Variants in ASCC2 observed in about 807,000 individuals in gnomAD.
The protein encoded by ASCC2 is activating signal cointegrator 1 complex subunit 2, also known as ASC-1 complex subunit P100.
In ASCC2, 42 loss-of-function variants were observed where a neutral mutation model predicts 93.5. The observed-to-expected ratio is 0.45, with a 90% CI of 0.35 to 0.58. The LOEUF (loss-of-function observed/expected upper bound fraction) is 0.58, where lower values mean the gene tolerates loss of function less well. ASCC2 is among the 20% of genes least tolerant of loss of function. ASCC2 has a pLI of 0.00. For missense variants in ASCC2, 859 were observed against 977.6 expected, an observed-to-expected ratio of 0.88 and a Z score of 1.62; for synonymous variants, 364 against 384.2, an observed-to-expected ratio of 0.95 and a Z score of 0.62.
intron 1 of ASCC2, chr22:29,832,588 T>A: frequency 6.8e-6 from 1 of 146,056 alleles, no homozygotes; most frequent in East Asian, 1.9e-4. Context: ...TTCCACCCAC[T>A]TTTTTTTTTT....
chr22:29,824,563 T>C (rs887498572), intron 4 of ASCC2, among the ~76,000 whole-genome samples: 8 of 152,030 alleles, frequency 5.3e-5, no homozygotes, highest in Middle Eastern at 6.8e-3. Flanking sequence ...TGCAATGAGC[T>C]ATAATCACGC....
At chr22:29,791,431 G>A (rs943394726) in intron 18 of ASCC2, among the ~76,000 whole-genome samples, 5 of 152,164 alleles carry the variant, frequency 3.3e-5, no homozygotes, top group Admixed American at 6.5e-5. Flanking sequence ...TGTAATCCCA[G>A]CACTTTGGGA....
chr22:29,816,115 G>A (rs778165423), intron 5 of ASCC2, 42 bp from the exon 6 acceptor site: 1 of 1,493,968 alleles, frequency 6.7e-7, no homozygotes, highest in East Asian at 2.4e-5. Flanking sequence ...AAAAGGTGGG[G>A]GCTCGGGGCA....
intron 1 of ASCC2, 79 bp from the exon 2 acceptor site, chr22:29,832,421 G>T: frequency 1.8e-6 from 2 of 1,126,432 alleles, no homozygotes; most frequent in Non-Finnish European, 2.6e-6. Flanking sequence ...GCTGATCCCA[G>T]AGTCAGAAGA....
At chr22:29,812,349 C>T (rs1190018043) in intron 8 of ASCC2, among the ~76,000 whole-genome samples, 4 of 152,212 alleles carry the variant, frequency 2.6e-5, no homozygotes, top group Non-Finnish European at 5.9e-5. Context: ...CCCTTTCACC[C>T]TGGCCTGGAA....
chr22:29,818,856 C>G (rs565446615), intron 5 of ASCC2, among the ~76,000 whole-genome samples: 2 of 152,278 alleles, frequency 1.3e-5, no homozygotes, highest in South Asian at 2.1e-4. Context: ...GCAACCAACA[C>G]CTGTTCCAGC....
At position 29,806,916 on chromosome 22, in the gene ASCC2, A is replaced by G; in HGVS notation, c.909-12T>C. 1 of 1,604,032 alleles carries G rather than the reference A, an allele frequency of 6.2e-7. No homozygotes were observed. The highest frequency in any genetic ancestry group is 8.5e-7 in the Non-Finnish European group (1 of 1,171,432). ...GGTCACCAAGAAGCCTAGGCCAGAG[A>G]GAAAAAAGACACAGGTTTAGGAGAC... On this transcript the variant is annotated splice_polypyrimidine_tract_variant and intron_variant, in intron 9 of 19. Coordinates refer to ENST00000307790, the MANE Select transcript of ASCC2 (RefSeq NM_032204.5).
Position 29,818,403 on chromosome 22 carries a change from TACACACACACACACACACACACACACAC to T in ASCC2, c.542-2358_542-2331del, listed in dbSNP as rs35685093. Among the ~76,000 whole-genome samples the T allele has an allele frequency of 6.3e-3, 682 of 108,114 alleles. 3 individuals carry two copies. The highest frequency in any genetic ancestry group is 0.017 in the African/African-American group (469 of 27,052). The allele number at this position is 108,114 out of a possible 152,430, so 70.9% of individuals were successfully genotyped here. On this transcript the variant is annotated intron_variant, in intron 5 of 19. Coordinates refer to ENST00000307790, the MANE Select transcript of ASCC2 (RefSeq NM_032204.5). The stretch of plus-strand genomic sequence containing the variant: ...TCCCTTCTCTGCATCACTCCCTGCC[TACACACACACACACACACACACACACAC>T]ACACACACACACACACACACACACA...
chr22:29,804,493 C>T, intron 13 of ASCC2, 145 bp downstream of exon 13: 2 of 896,188 alleles, frequency 2.2e-6, no homozygotes, highest in Non-Finnish European at 1.7e-6. Context: ...ACAGAGCTGA[C>T]CAGTTGCTTG....
At chr22:29,814,432 A>T (rs1357158952) in intron 7 of ASCC2, among the ~76,000 whole-genome samples, 1 of 152,244 alleles carries the variant, frequency 6.6e-6, no homozygotes, top group Non-Finnish European at 1.5e-5. Flanking sequence ...AGTTCTTTCC[A>T]CTACTCTATA....
rs1446383634 is a variant in ASCC2, at chr22:29,814,670, T to C, written c.707A>G (p.Asp236Gly). 3 of 1,600,156 alleles carry C rather than the reference T, an allele frequency of 1.9e-6. No homozygotes were observed. The highest frequency in any genetic ancestry group is 1.7e-6 in the Non-Finnish European group (2 of 1,174,906). ...LEERGRLTPSDMPLLELKDIV... is the reference protein window; with the variant it reads ...LEERGRLTPSGMPLLELKDIV... ...GGGCAACCTTACCAGGAGAGGCATG[T>C]CACTGGGGGTCAATCGGCCCCTCTC... Residue 236 changes from aspartate to glycine, a missense_variant, in exon 7 of 20, where the codon GAC (aspartate) becomes GGC (glycine). Physicochemically the swap from Asp to Gly is moderately conservative, Grantham distance 94. Coordinates refer to ENST00000307790, the MANE Select transcript of ASCC2 (RefSeq NM_032204.5).
At chr22:29,804,876 A>T (rs2059501088) in intron 12 of ASCC2, 46 bp from the exon 13 acceptor site, 1 of 1,586,668 alleles carries the variant, frequency 6.3e-7, no homozygotes, top group Admixed American at 1.7e-5. Flanking sequence ...CTAGCTCTGA[A>T]GCAGCATAAT....
At chr22:29,808,239 CATAAGA>C in intron 8 of ASCC2, 54 bp from the exon 9 acceptor site, 1 of 1,560,366 alleles carries the variant, frequency 6.4e-7, no homozygotes, top group Non-Finnish European at 8.8e-7. Context: ...TACCACACTT[CATAAGA>C]ACATCAAAGC....
At chr22:29,802,308 C>A in intron 13 of ASCC2, 100 bp from the exon 14 acceptor site, 1 of 1,226,562 alleles carries the variant, frequency 8.2e-7, no homozygotes, top group South Asian at 1.4e-5. Flanking sequence ...GGATCTGGTT[C>A]AAGTCCTGGG....
intron 8 of ASCC2, chr22:29,810,008 A>G (rs1468732667): frequency 2.0e-5 from 3 of 152,038 alleles, no homozygotes; most frequent in African/African-American, 7.3e-5. Flanking sequence ...CCCAACTCAA[A>G]TTCAAACTCT....
At chr22:29,818,694 G>A (rs781467161) in intron 5 of ASCC2, among the ~76,000 whole-genome samples, 2 of 152,072 alleles carry the variant, frequency 1.3e-5, no homozygotes, top group Non-Finnish European at 2.9e-5. Context: ...ACGATTAGGA[G>A]CCCAGGCAGT....
chr22:29,819,778 C>T (rs1439351715), intron 5 of ASCC2, among the ~76,000 whole-genome samples: 2 of 152,160 alleles, frequency 1.3e-5, no homozygotes, highest in Non-Finnish European at 2.9e-5. Flanking sequence ...AGCAAACTGG[C>T]CTAAGAATTG....
chr22:29,831,201 GATAA>G (rs1476358226), intron 2 of ASCC2, among the ~76,000 whole-genome samples: 1 of 152,162 alleles, frequency 6.6e-6, no homozygotes, highest in African/African-American at 2.4e-5. Flanking sequence ...CAGATTTTCT[GATAA>G]ATATCTCCCA....
At chr22:29,808,259 C>A in intron 8 of ASCC2, 74 bp from the exon 9 acceptor site, 1 of 1,474,414 alleles carries the variant, frequency 6.8e-7, no homozygotes, top group South Asian at 1.2e-5. Flanking sequence ...TCAAAGCAAA[C>A]CCCAGGGAGT....
Sources: allele counts gnomAD v4.1 joint callset (sites outside exome capture counted in the v4.1 genomes callset), GRCh38; gene constraint gnomAD v4.1.1; transcripts MANE v1.5; gene names NCBI Gene and HGNC (gene_info 2026-07-23, HGNC 2026-07-21).